The following REEP3 variants were observed in gnomAD, a reference collection of about 807,000 sequenced individuals.
REEP3 encodes the protein receptor expression-enhancing protein 3.
A neutral mutation model predicts 41.3 loss-of-function variants in REEP3; 20 were observed. That is an observed-to-expected ratio of 0.48 (90% CI 0.34 to 0.70). REEP3 has a LOEUF of 0.70. Ranked by LOEUF, REEP3 falls within the 30% of genes least tolerant of loss-of-function variation. The pLI is 0.01. For missense variants in REEP3, 271 were observed against 308.8 expected, an observed-to-expected ratio of 0.88 and a Z score of 0.92; for synonymous variants, 104 against 101.8, an observed-to-expected ratio of 1.02 and a Z score of -0.13.
chr10:63,543,869 A>G (rs931431902), intron 1 of REEP3, among the ~76,000 whole-genome samples: 4 of 152,132 alleles, frequency 2.6e-5, no homozygotes, highest in African/African-American at 9.7e-5. Context: ...GCATTATTAT[A>G]TGGTTTAACT....
intron 2 of REEP3, among the ~76,000 whole-genome samples, chr10:63,575,132 G>A (rs564163715): frequency 7.9e-5 from 12 of 152,062 alleles, no homozygotes; most frequent in Non-Finnish European, 1.3e-4. Flanking sequence ...GAGATAACAG[G>A]CATTAGCCAC....
intron 5 of REEP3, among the ~76,000 whole-genome samples, chr10:63,601,943 A>T (rs1273367779): frequency 6.6e-6 from 1 of 150,770 alleles, no homozygotes; most frequent in East Asian, 2.1e-4. Context: ...ATAATAAAAT[A>T]AATAAATAAA....
At chr10:63,598,769 G>A (rs1230714399) in intron 4 of REEP3, among the ~76,000 whole-genome samples, 2 of 142,546 alleles carry the variant, frequency 1.4e-5, no homozygotes, top group Non-Finnish European at 3.0e-5. Context: ...GGACAAGAGA[G>A]CGAGACTCCA....
At position 63,551,387 on chromosome 10, in the gene REEP3, T is replaced by C. The variant is rs148484950; in HGVS notation, c.33-14951T>C. Among the ~76,000 whole-genome samples, 473 of 152,174 alleles carry C rather than the reference T, an allele frequency of 3.1e-3. 2 individuals are homozygous for C. Among genetic ancestry groups the C allele is most frequent in the African/African-American group, 0.011 (448 of 41,508 alleles). ...AAATGAATACAGGAGAATAGGTAAA[T>C]CTCTCCTGGAGAAGAATCCATATAA... On this transcript the variant is annotated intron_variant, in intron 1 of 7. Transcript: ENST00000373758.
At chr10:63,565,177 T>G (rs76005215) in intron 1 of REEP3, among the ~76,000 whole-genome samples, 1 of 152,186 alleles carries the variant, frequency 6.6e-6, no homozygotes, top group Non-Finnish European at 1.5e-5. Flanking sequence ...GGAGAATTGC[T>G]TGTCCCCAGG....
chr10:63,596,226 C>T (rs945143410), intron 3 of REEP3, among the ~76,000 whole-genome samples: 1 of 152,052 alleles, frequency 6.6e-6, no homozygotes, highest in Non-Finnish European at 1.5e-5. Context: ...CTTCCTGTGC[C>T]CCAAAGCTCA....
intron 1 of REEP3, among the ~76,000 whole-genome samples, chr10:63,538,164 T>A (rs1395666277): frequency 6.6e-6 from 1 of 152,194 alleles, no homozygotes; most frequent in Admixed American, 6.5e-5. Context: ...CTCCACAGCT[T>A]CTGCTTCTTA....
At chr10:63,609,813 C>G (rs1481824567) in intron 5 of REEP3, among the ~76,000 whole-genome samples, 1 of 151,406 alleles carries the variant, frequency 6.6e-6, no homozygotes, top group African/African-American at 2.4e-5. Context: ...TAAAAGTTGC[C>G]CTAAATATTA....
chr10:63,534,362 T>C (rs995237110), intron 1 of REEP3, among the ~76,000 whole-genome samples: 5 of 152,154 alleles, frequency 3.3e-5, no homozygotes, highest in Non-Finnish European at 4.4e-5. Context: ...GCGATCTTCC[T>C]GCTTCCACCT....
Position 63,623,671 on chromosome 10 carries a change from A to G in REEP3, c.*2802A>G, listed in dbSNP as rs1463005048. On this transcript the variant is annotated 3_prime_UTR_variant, in exon 8 of 8. Transcript: ENST00000373758. Reference sequence around the variant, plus strand: ...TTTTCCTGGTATAAAAAGGAGCCAGAAATAAGCCTTATTGCTAAATAATTA... The same window carrying G: ...TTTTCCTGGTATAAAAAGGAGCCAGGAATAAGCCTTATTGCTAAATAATTA... 6.6e-6 allele frequency: 1 copy of G among 152,376 alleles called. No homozygotes were observed. The highest frequency in any genetic ancestry group is 1.5e-5 in the Non-Finnish European group (1 of 68,184). 9.4% of individuals were successfully genotyped at this position (152,376 alleles called of 1,614,324 possible). A position where few individuals can be genotyped will look rare whatever the true frequency, so the allele number is the denominator to read the frequency against.
rs77925970 is a variant in REEP3, at chr10:63,556,614, GT to G, written c.33-9713del. Among the ~76,000 whole-genome samples, 9 of 12,868 alleles carry G rather than the reference GT, an allele frequency of 7.0e-4. 1 individual carries two copies. Among genetic ancestry groups the G allele is most frequent in the African/African-American group, 1.2e-3 (6 of 5,018 alleles). The allele number at this position is 12,868 out of a possible 152,430, so 8.4% of individuals were successfully genotyped here. ...GTTTTGTTTTGTTTTCTGTTTGCTT[GT>G]TTTTTTTTTTGTTGTTTTGTTTTTT... On this transcript the variant is annotated intron_variant, in intron 1 of 7. Transcript: ENST00000373758.
chr10:63,545,324 A>G (rs1442581414), intron 1 of REEP3, among the ~76,000 whole-genome samples: 1 of 152,196 alleles, frequency 6.6e-6, no homozygotes, highest in Non-Finnish European at 1.5e-5. Flanking sequence ...GAAACTGTGT[A>G]TTACTGTTAA....
chr10:63,529,803 A>C (rs1192432564), intron 1 of REEP3, among the ~76,000 whole-genome samples: 1 of 139,034 alleles, frequency 7.2e-6, no homozygotes, highest in Non-Finnish European at 1.5e-5. Flanking sequence ...GAGACTGAGG[A>C]GTTTTGCTCT....
chr10:63,556,334 C>A (rs1167861161), intron 1 of REEP3, among the ~76,000 whole-genome samples: 3 of 151,720 alleles, frequency 2.0e-5, no homozygotes, highest in African/African-American at 4.8e-5. Context: ...GTTGGTCAGG[C>A]TGGTCTCGAA....
chr10:63,588,654 T>C (rs1956029877), intron 2 of REEP3, among the ~76,000 whole-genome samples: 1 of 152,202 alleles, frequency 6.6e-6, no homozygotes, highest in South Asian at 2.1e-4. Flanking sequence ...ATAAAAGTCT[T>C]TGTCATCATG....
chr10:63,577,737 TG>T (rs1309211032), intron 2 of REEP3, among the ~76,000 whole-genome samples: 2 of 152,132 alleles, frequency 1.3e-5, no homozygotes, highest in Non-Finnish European at 2.9e-5. Context: ...ACCCAGCCTC[TG>T]TAACCCTTTT....
At chr10:63,542,919 A>AG (rs1955541887) in intron 1 of REEP3, among the ~76,000 whole-genome samples, 1 of 152,212 alleles carries the variant, frequency 6.6e-6, no homozygotes, top group African/African-American at 2.4e-5. Flanking sequence ...AGGATGCCAC[A>AG]GGTATCATCA....
At chr10:63,614,051 A>G (rs770546769) in intron 6 of REEP3, among the ~76,000 whole-genome samples, 1 of 152,218 alleles carries the variant, frequency 6.6e-6, no homozygotes, top group Non-Finnish European at 1.5e-5. Flanking sequence ...AAATATTCCC[A>G]TTATATGTTA....
chr10:63,533,219 G>A (rs779109014), intron 1 of REEP3, among the ~76,000 whole-genome samples: 4 of 152,202 alleles, frequency 2.6e-5, no homozygotes, highest in Non-Finnish European at 4.4e-5. Context: ...AATGTGGAAT[G>A]CACTTTCACC....
Sources: gnomAD v4.1 joint callset for allele counts (sites outside exome capture counted in the v4.1 genomes callset) on GRCh38, gnomAD v4.1.1 for gene constraint, MANE v1.5 for transcripts, NCBI Gene and HGNC (gene_info 2026-07-23, HGNC 2026-07-21) for gene names.